Variants in RGPD2 observed in about 807,000 individuals in gnomAD.
RGPD2 encodes RANBP2 like and GRIP domain containing 2, also known as RANBP2-like and GRIP domain-containing protein 2.
A neutral mutation model predicts 36.0 loss-of-function variants in RGPD2; 2 were observed. The ratio of observed to expected loss-of-function variants is 0.06; its 90% CI spans 0.02 to 0.17. The LOEUF is 0.17. Ranked by LOEUF, RGPD2 falls within the 10% of genes least tolerant of loss-of-function variation. RGPD2 has a pLI of 1.00. For missense variants in RGPD2, 40 were observed against 464.3 expected (o/e 0.09, Z 8.40); for synonymous variants, 19 against 163.8 (o/e 0.12, Z 6.75).
At chr2:87,847,122 G>A in the RGPD2 span, among the ~76,000 whole-genome samples, 5 of 152,132 alleles carry the variant, frequency 3.3e-5, no homozygotes, top group African/African-American at 7.2e-5. Context: ...TGAATTTTTA[G>A]TATCTTTCCA....
the RGPD2 span, among the ~76,000 whole-genome samples, chr2:87,965,155 TA>T: frequency 7.9e-5 from 11 of 139,374 alleles, no homozygotes; most frequent in African/African-American, 2.8e-4. Context: ...TATAGTTTCA[TA>T]AACAGTTCCT....
chr2:87,969,057 ATTT>A, the RGPD2 span: 6 of 125,530 alleles, frequency 4.8e-5, no homozygotes, highest in Non-Finnish European at 6.8e-5. Context: ...GAAAGTGAGA[ATTT>A]TTTTTTTTTT....
the RGPD2 span, among the ~76,000 whole-genome samples, chr2:87,964,384 A>G: frequency 6.6e-6 from 1 of 151,880 alleles, no homozygotes; most frequent in Admixed American, 6.5e-5. Flanking sequence ...ATTCACAAAT[A>G]AAAATTGTAT....
chr2:87,930,765 A>T, the RGPD2 span, among the ~76,000 whole-genome samples: 1 of 148,864 alleles, frequency 6.7e-6, no homozygotes, highest in Non-Finnish European at 1.5e-5. Context: ...CTGTTCAGAG[A>T]TTCAATTTCT....
intron 22 of RGPD2, among the ~76,000 whole-genome samples, chr2:87,769,099 C>G (rs1404434857): frequency 1.1e-5 from 1 of 87,332 alleles, no homozygotes; most frequent in Non-Finnish European, 2.4e-5. Context: ...TCCCAAGTAG[C>G]TGGGATTACA....
the RGPD2 span, among the ~76,000 whole-genome samples, chr2:87,836,254 G>A: frequency 7.0e-3 from 1,013 of 144,374 alleles, 4 homozygotes; most frequent in Non-Finnish European, 9.6e-3. Context: ...GAGAAAGAAA[G>A]AAGGAAGGAA....
the RGPD2 span, among the ~76,000 whole-genome samples, chr2:87,953,489 TATC>T: frequency 8.0e-6 from 1 of 124,884 alleles, no homozygotes; most frequent in Non-Finnish European, 1.7e-5. Context: ...TTTATCTCTT[TATC>T]AACCATCCCT....
At chr2:87,957,236 TG>T in the RGPD2 span, among the ~76,000 whole-genome samples, 3 of 116,240 alleles carry the variant, frequency 2.6e-5, no homozygotes, top group South Asian at 3.7e-4. Flanking sequence ...ACAAGGTCAC[TG>T]GGGGGGGGCT....
the RGPD2 span, among the ~76,000 whole-genome samples, chr2:87,977,818 T>TA: frequency 6.6e-6 from 1 of 152,216 alleles, no homozygotes; most frequent in Non-Finnish European, 1.5e-5. Context: ...GAAAATGTTA[T>TA]AAAAAGAATA....
At chr2:87,857,904 T>C in the RGPD2 span, among the ~76,000 whole-genome samples, 1 of 152,206 alleles carries the variant, frequency 6.6e-6, no homozygotes, top group Non-Finnish European at 1.5e-5. Flanking sequence ...TCTGAGTAGA[T>C]ACTGTATGTA....
chr2:87,980,224 G>A, the RGPD2 span, among the ~76,000 whole-genome samples: 38 of 146,868 alleles, frequency 2.6e-4, no homozygotes, highest in Middle Eastern at 3.5e-3. Flanking sequence ...GGTGGCGGGC[G>A]CCTGTAATCC....
the RGPD2 span, among the ~76,000 whole-genome samples, chr2:87,920,377 T>C: frequency 6.6e-6 from 1 of 151,800 alleles, no homozygotes; most frequent in East Asian, 1.9e-4. Flanking sequence ...TAAGTTGCTA[T>C]GATAGCATCT....
the RGPD2 span, among the ~76,000 whole-genome samples, chr2:87,857,132 T>C: frequency 1.3e-5 from 2 of 152,264 alleles, no homozygotes; most frequent in African/African-American, 4.8e-5. Flanking sequence ...ACTGAGCCTA[T>C]GCTTTTACAA....
chr2:87,983,277 G>A, the RGPD2 span, among the ~76,000 whole-genome samples: 20 of 152,280 alleles, frequency 1.3e-4, 1 homozygote, highest in Admixed American at 4.6e-4. Flanking sequence ...CCAGGATAGC[G>A]CCACTGCATT....
the RGPD2 span, among the ~76,000 whole-genome samples, chr2:87,960,688 G>C: frequency 3.6e-4 from 1 of 2,778 alleles, no homozygotes; most frequent in African/African-American, 1.6e-3. Context: ...TTAAATAAGA[G>C]CCAGTTTGTC....
At chr2:87,963,911 T>C in the RGPD2 span, among the ~76,000 whole-genome samples, 3 of 141,758 alleles carry the variant, frequency 2.1e-5, no homozygotes, top group East Asian at 6.3e-4. Flanking sequence ...TCTCGGCTCA[T>C]TGCAACCTCT....
the RGPD2 span, among the ~76,000 whole-genome samples, chr2:87,917,958 T>G: frequency 8.4e-6 from 1 of 119,250 alleles, no homozygotes; most frequent in African/African-American, 3.8e-5. Flanking sequence ...TTGAAACATT[T>G]TGGATCAAAT....
chr2:87,853,815 C>A, the RGPD2 span, among the ~76,000 whole-genome samples: 1 of 151,858 alleles, frequency 6.6e-6, no homozygotes, highest in Non-Finnish European at 1.5e-5. Context: ...CAATTTTTTT[C>A]AAATATGGGT....
At chr2:87,893,395 G>T in the RGPD2 span, among the ~76,000 whole-genome samples, 1 of 145,736 alleles carries the variant, frequency 6.9e-6, no homozygotes, top group Admixed American at 6.8e-5. Context: ...ACATTCTCTG[G>T]TCTTCTTGAT....
Sources: allele counts gnomAD v4.1 joint callset (sites outside exome capture counted in the v4.1 genomes callset), GRCh38; gene constraint gnomAD v4.1.1; transcripts MANE v1.5; gene names NCBI Gene and HGNC (gene_info 2026-07-23, HGNC 2026-07-21).